KCNT1: variants seen among roughly 807,000 people sequenced by gnomAD.
KCNT1 encodes the protein potassium channel subfamily T member 1.
KCNT1 carries 78 observed loss-of-function variants against 147.8 expected under a neutral mutation model. The ratio of observed to expected loss-of-function variants is 0.53; its 90% CI spans 0.44 to 0.64. The LOEUF (loss-of-function observed/expected upper bound fraction) is 0.64. Ranked by LOEUF, KCNT1 falls within the 30% of genes least tolerant of loss-of-function variation. The pLI is 0.00. For synonymous variants in KCNT1, 867 were observed against 748.8 expected, an observed-to-expected ratio of 1.16 and a Z score of -2.58; for missense variants, 1,419 against 1,750.3, an observed-to-expected ratio of 0.81 and a Z score of 3.38.
Position 135,739,532 on chromosome 9 carries a change from C to T in KCNT1, c.255-10566C>T, listed in dbSNP as rs573229105. ...TCTCCTCTCCAAGAACCTGGCTGCT[C>T]CTCCATGCCCCCCTCACCCCGGGCA... is the stretch of plus-strand genomic sequence containing the variant. On this transcript the variant is annotated intron_variant, in intron 2 of 30. Transcript: ENST00000371757. Among the ~76,000 whole-genome samples, 404 of 152,200 alleles carry T rather than the reference C, an allele frequency of 2.7e-3. 1 individual carries two copies. The highest frequency in any genetic ancestry group is 9.3e-3 in the African/African-American group (386 of 41,558).
intron 18 of KCNT1, among the ~76,000 whole-genome samples, chr9:135,772,127 AGGC>A (rs1832802864): frequency 1.3e-5 from 2 of 152,166 alleles, no homozygotes; most frequent in African/African-American, 4.8e-5. Flanking sequence ...CTGGGGAGGC[AGGC>A]TGCTGCTGCC....
intron 2 of KCNT1, among the ~76,000 whole-genome samples, chr9:135,731,857 A>G (rs555688032): frequency 1.0e-3 from 158 of 151,144 alleles, no homozygotes; most frequent in African/African-American, 3.6e-3. Context: ...AGTAGGAGCC[A>G]TATCTGGATG....
In KCNT1 at chr9:135,708,979, A is replaced by G. The variant is rs144816792; in HGVS notation, c.111-5598A>G. The stretch of plus-strand genomic sequence containing the variant: ...AGAAATAAGGGCCTGGTGATGCTGG[A>G]GTTTAGGGAAGGACATCTTTAGCCC... On this transcript the variant is annotated intron_variant, in intron 1 of 30. Transcript: ENST00000371757. 5.2e-3 allele frequency among the ~76,000 whole-genome samples: 792 copies of G among 152,250 alleles called. 5 individuals carry two copies. The highest frequency in any genetic ancestry group is 0.034 in the Middle Eastern group (10 of 294).
chr9:135,756,124 C>T (rs2131431589), intron 6 of KCNT1, among the ~76,000 whole-genome samples: 1 of 152,004 alleles, frequency 6.6e-6, no homozygotes, highest in South Asian at 2.1e-4. Context: ...TGAAGACAGA[C>T]AGGCTCAGTA....
At chr9:135,718,434 T>C (rs113733521) in intron 2 of KCNT1, among the ~76,000 whole-genome samples, 1 of 152,200 alleles carries the variant, frequency 6.6e-6, no homozygotes, top group African/African-American at 2.4e-5. Context: ...GACACTGGGA[T>C]GGGGTCCTGG....
intron 3 of KCNT1, chr9:135,750,690 G>A (rs1831103347): frequency 1.7e-6 from 1 of 574,376 alleles, no homozygotes; most frequent in African/African-American, 1.9e-5. Flanking sequence ...AAGTGGAGTG[G>A]CCTCTAGAAA....
chr9:135,732,230 G>A (rs528210324), intron 2 of KCNT1, among the ~76,000 whole-genome samples: 1 of 151,962 alleles, frequency 6.6e-6, no homozygotes, highest in African/African-American at 2.4e-5. Context: ...TGTTGGTTAG[G>A]CTGGTGTTGA....
intron 1 of KCNT1, among the ~76,000 whole-genome samples, chr9:135,705,296 C>G (rs1470958630): frequency 6.6e-6 from 1 of 152,226 alleles, no homozygotes; most frequent in African/African-American, 2.4e-5. Flanking sequence ...GGTGGCACTT[C>G]TGTGTCTCCC....
At chr9:135,785,702 T>G in intron 28 of KCNT1, 3 of 480,674 alleles carry the variant, frequency 6.2e-6, no homozygotes, top group East Asian at 4.1e-5. Context: ...TGCCTACCTC[T>G]TCCCAGCACC....
chr9:135,728,282 G>A (rs112972633), intron 2 of KCNT1, among the ~76,000 whole-genome samples: 638 of 152,308 alleles, frequency 4.2e-3, no homozygotes, highest in African/African-American at 0.014. Context: ...CAAGCCCCCC[G>A]CTGTGGTACT....
intron 19 of KCNT1, among the ~76,000 whole-genome samples, chr9:135,774,271 TGTGTGTGTG>T (rs935810105): frequency 7.2e-6 from 1 of 138,432 alleles, no homozygotes; most frequent in Non-Finnish European, 1.6e-5. Flanking sequence ...TGGTGTCTGT[TGTGTGTGTG>T]GTGTGTTGTG....
chr9:135,731,960 G>GGATATA (rs1554766096), intron 2 of KCNT1, among the ~76,000 whole-genome samples: 11 of 41,412 alleles, frequency 2.7e-4, no homozygotes, highest in African/African-American at 8.9e-4. Context: ...AAATATGCGT[G>GGATATA]TATATATATA....
chr9:135,750,430 C>T (rs1055837914), intron 3 of KCNT1: 2 of 551,710 alleles, frequency 3.6e-6, no homozygotes, highest in South Asian at 2.0e-5. Context: ...GTGGGGACAC[C>T]GTCCTGCCTG....
chr9:135,773,664 C>G (rs533342831), intron 19 of KCNT1, among the ~76,000 whole-genome samples: 1 of 152,390 alleles, frequency 6.6e-6, no homozygotes, highest in South Asian at 2.1e-4. Flanking sequence ...CTGCAGGGCC[C>G]GAGGTCCATC....
In KCNT1 at chr9:135,792,365, A is replaced by G. The variant is rs1230018664; in HGVS notation, c.*204A>G. On this transcript the variant is annotated 3_prime_UTR_variant, in exon 31 of 31. Transcript: ENST00000371757. ...CCTGGGCACCTGCAGGCTAGTGAGG[A>G]GAGTTTTTTAACCTATTTTTACACG... 5.2e-6 allele frequency: 3 copies of G among 576,030 alleles called. No homozygotes were observed. The highest frequency in any genetic ancestry group is 3.3e-5 in the Admixed American group (1 of 30,756). 35.7% of individuals were successfully genotyped at this position (576,030 alleles called of 1,614,324 possible).
At chr9:135,785,976 G>A (rs910866010) in intron 28 of KCNT1, 7 of 572,052 alleles carry the variant, frequency 1.2e-5, no homozygotes, top group African/African-American at 3.9e-5. Context: ...TGGGTGGCCC[G>A]GCGATCTGTG....
At chr9:135,713,896 C>A (rs74757846) in intron 1 of KCNT1, among the ~76,000 whole-genome samples, 10,800 of 152,284 alleles carry the variant, frequency 0.071, 1,295 homozygotes, top group African/African-American at 0.24. Flanking sequence ...CTAACCTGCG[C>A]TGCCAGCTCT....
Position 135,702,219 on chromosome 9 carries a change from C to T in KCNT1, c.-40C>T, listed in dbSNP as rs908377945. 3.4e-6 allele frequency: 5 copies of T among 1,468,388 alleles called. No homozygotes were observed. In the African/African-American group the frequency reaches 4.3e-5, roughly 12 times the overall value. The allele number at this position is 1,468,388 out of a possible 1,614,324, so 91.0% of individuals were successfully genotyped here. On this transcript the variant is annotated 5_prime_UTR_variant, in exon 1 of 31. Coordinates refer to ENST00000371757, the MANE Select transcript of KCNT1 (RefSeq NM_020822.3). ...CGAGGGAAGAAGGTGGCGGCTCCCA[C>T]TCGCTTCTCCCTCGGGTCGGGTCCG...
intron 29 of KCNT1, chr9:135,788,251 G>A: frequency 1.8e-6 from 2 of 1,139,490 alleles, no homozygotes; most frequent in South Asian, 2.5e-5. Flanking sequence ...ATCCCGGCCA[G>A]GCAGGTGGAC....
Sources: allele counts gnomAD v4.1 joint callset (sites outside exome capture counted in the v4.1 genomes callset), GRCh38; gene constraint gnomAD v4.1.1; transcripts MANE v1.5; gene names NCBI Gene and HGNC (gene_info 2026-07-23, HGNC 2026-07-21).